CREB3L2: variants seen among roughly 807,000 people sequenced by gnomAD.
CREB3L2 encodes the protein cyclic AMP-responsive element-binding protein 3-like protein 2.
A neutral mutation model predicts 57.2 loss-of-function variants in CREB3L2; 23 were observed. The ratio of observed to expected loss-of-function variants is 0.40; its 90% confidence interval spans 0.29 to 0.57. The LOEUF (loss-of-function observed/expected upper bound fraction) is 0.57. Ranked by LOEUF, CREB3L2 falls within the 20% of genes least tolerant of loss-of-function variation. The probability of loss-of-function intolerance (pLI) is 0.42; values close to 1 mark genes in which losing one functional copy is unlikely to be tolerated. For synonymous variants in CREB3L2, 268 were observed against 265.1 expected, an observed-to-expected ratio of 1.01 and a Z score of -0.11; for missense variants, 628 against 634.7, an observed-to-expected ratio of 0.99 and a Z score of 0.11.
At chr7:137,974,099 A>G (rs1801564053) in intron 1 of CREB3L2, among the ~76,000 whole-genome samples, 1 of 152,204 alleles carries the variant, frequency 6.6e-6, no homozygotes, top group African/African-American at 2.4e-5. Flanking sequence ...AAATGAATAA[A>G]AATACTTGTC....
chr7:137,975,177 A>G (rs968764842), intron 1 of CREB3L2, among the ~76,000 whole-genome samples: 2 of 152,246 alleles, frequency 1.3e-5, no homozygotes, highest in African/African-American at 4.8e-5. Context: ...TTTCTCTGAC[A>G]TTAAAAGCTA....
chr7:137,902,717 A>T (rs905949529), intron 7 of CREB3L2, among the ~76,000 whole-genome samples: 6 of 152,208 alleles, frequency 3.9e-5, no homozygotes, highest in African/African-American at 1.4e-4. Flanking sequence ...GTTATTTATA[A>T]TACCAAACAC....
chr7:137,970,538 C>T (rs1007243288), intron 1 of CREB3L2, among the ~76,000 whole-genome samples: 1 of 119,430 alleles, frequency 8.4e-6, no homozygotes, highest in Non-Finnish European at 1.6e-5. Flanking sequence ...GAAGAAACAG[C>T]AACTGTAAGA....
chr7:137,975,372 C>CAT (rs1214660912), intron 1 of CREB3L2, among the ~76,000 whole-genome samples: 1 of 152,164 alleles, frequency 6.6e-6, no homozygotes, highest in East Asian at 1.9e-4. Flanking sequence ...AAATGAGTCC[C>CAT]ATATTTGGGC....
rs1301445007 is a variant in CREB3L2, at chr7:137,878,254, C to A, written c.*2222G>T. The A allele has an allele frequency of 4.3e-6, 1 of 232,830 alleles. No individual in the cohort carries two copies. The highest frequency in any genetic ancestry group is 8.5e-6 in the Non-Finnish European group (1 of 117,784). The allele number at this position is 232,830 out of a possible 1,614,324, so 14.4% of individuals were successfully genotyped here. ...GAAGAGCACGTTTCCTACTCTACGT[C>A]TGGGAGCCTTGAAAACCCAGTCTGG... is the stretch of plus-strand genomic sequence containing the variant. On this transcript the variant is annotated 3_prime_UTR_variant, in exon 12 of 12. Transcript: ENST00000330387.
At position 137,995,333 on chromosome 7, in the gene CREB3L2, C is replaced by CT. The variant is rs10676214; in HGVS notation, c.102+6270dup. Among the ~76,000 whole-genome samples the CT allele has an allele frequency of 3.5e-4, 31 of 87,436 alleles. 2 individuals are homozygous for CT. Among genetic ancestry groups the CT allele is most frequent in the Admixed American group, 1.7e-3 (10 of 5,908 alleles). The allele number at this position is 87,436 out of a possible 152,430, so 57.4% of individuals were successfully genotyped here. ...CTATTTCTTTTTTTTTCTTTTCTTT[C>CT]TTTTTTTTTTTTTTTTTTTGAGACA... On this transcript the variant is annotated intron_variant, in intron 1 of 11. Transcript: ENST00000330387.
intron 1 of CREB3L2, chr7:137,957,669 AAT>A (rs1292360764): frequency 1.4e-6 from 1 of 731,242 alleles, no homozygotes; most frequent in African/African-American, 1.9e-5. Flanking sequence ...GAAAGTGAAG[AAT>A]ATATTAATAA....
At chr7:137,937,042 C>T (rs997347686) in intron 1 of CREB3L2, among the ~76,000 whole-genome samples, 1 of 152,138 alleles carries the variant, frequency 6.6e-6, no homozygotes, top group Non-Finnish European at 1.5e-5. Flanking sequence ...CCAAGGCCTG[C>T]CGGGGCTCCT....
chr7:137,906,436 A>G (rs1384247294), intron 5 of CREB3L2, among the ~76,000 whole-genome samples: 8 of 152,212 alleles, frequency 5.3e-5, no homozygotes, highest in Non-Finnish European at 1.2e-4. Flanking sequence ...TGGAACCCAC[A>G]GTAGAATGGC....
At chr7:137,908,642 G>A (rs1357791575) in intron 4 of CREB3L2, among the ~76,000 whole-genome samples, 2 of 152,118 alleles carry the variant, frequency 1.3e-5, no homozygotes, top group East Asian at 1.9e-4. Context: ...TATACTGGCA[G>A]AAAGAAACAC....
In CREB3L2 at chr7:137,880,659, C is replaced by A; in HGVS notation, c.1488-108G>T. The A allele has an allele frequency of 2.4e-6, 2 of 838,320 alleles. No homozygotes were observed. Among genetic ancestry groups the A allele is most frequent in the East Asian group, 2.6e-5 (1 of 38,716 alleles). 51.9% of individuals were successfully genotyped at this position (838,320 alleles called of 1,614,324 possible). A position where few individuals can be genotyped will look rare whatever the true frequency, so the allele number is the denominator to read the frequency against. The stretch of plus-strand genomic sequence containing the variant: ...ATTCAGGGGTTGCAACTTGGTGAGA[C>A]GGCCTGGGCATGTTTCTTGTCCTTT... On this transcript the variant is annotated intron_variant, in intron 11 of 11. Transcript: ENST00000330387. The surrounding 1 kb of genome is among the most constrained non-coding windows in gnomAD (Gnocchi z 4.0).
chr7:137,952,160 C>A (rs987088755), intron 1 of CREB3L2, among the ~76,000 whole-genome samples: 2 of 152,182 alleles, frequency 1.3e-5, no homozygotes, highest in Non-Finnish European at 2.9e-5. Flanking sequence ...ATCCACAAGT[C>A]CTTATTGTCA....
rs1801140067 is a variant in CREB3L2 at position 137,953,391 on chromosome 7, C to T, written c.103-25025G>A. On this transcript the variant is annotated intron_variant, in intron 1 of 11. Coordinates refer to ENST00000330387, the MANE Select transcript of CREB3L2 (RefSeq NM_194071.4). Reference sequence around the variant, plus strand: ...GCCAGAGCCTTCTAACTTCTCTGCACCCACTCCAGTCTAGCTGAGGCCTGA... The same window carrying T: ...GCCAGAGCCTTCTAACTTCTCTGCATCCACTCCAGTCTAGCTGAGGCCTGA... 7.9e-6 allele frequency: 8 copies of T among 1,018,080 alleles called. No individual in the cohort carries two copies. In the South Asian group the frequency reaches 8.0e-5, roughly 10 times the overall value. 63.1% of individuals were successfully genotyped at this position (1,018,080 alleles called of 1,614,324 possible).
intron 8 of CREB3L2, among the ~76,000 whole-genome samples, chr7:137,887,484 A>G (rs1308578577): frequency 6.6e-6 from 1 of 152,182 alleles, no homozygotes; most frequent in Non-Finnish European, 1.5e-5. Context: ...CAAGGTGGCC[A>G]GATCACGAGG....
At chr7:137,966,298 A>G (rs958214996) in intron 1 of CREB3L2, among the ~76,000 whole-genome samples, 1 of 152,280 alleles carries the variant, frequency 6.6e-6, no homozygotes, top group African/African-American at 2.4e-5. Context: ...ACTTGCTTAC[A>G]TACTTTAAAA....
chr7:137,885,356 G>A, intron 9 of CREB3L2, 47 bp downstream of exon 9: 1 of 1,498,080 alleles, frequency 6.7e-7, no homozygotes, highest in South Asian at 1.1e-5. Context: ...GGGGAGACAG[G>A]GGCCAGGCCA....
Position 137,909,524 on chromosome 7 carries a change from C to T in CREB3L2, c.584-1088G>A, listed in dbSNP as rs568178007. On this transcript the variant is annotated intron_variant, in intron 4 of 11. Coordinates refer to ENST00000330387, the MANE Select transcript of CREB3L2 (RefSeq NM_194071.4). ...GAGATAACTGCAGGTAAACGCTTCA[C>T]TCCTGGAGCCCCCAGGACAATGGAT... 2.6e-5 allele frequency among the ~76,000 whole-genome samples: 4 copies of T among 152,356 alleles called. No individual in the cohort carries two copies. The East Asian group carries it at 7.7e-4, about 29-fold the overall frequency.
At chr7:137,954,798 T>C (rs1014456811) in intron 1 of CREB3L2, among the ~76,000 whole-genome samples, 4 of 152,156 alleles carry the variant, frequency 2.6e-5, no homozygotes, top group Non-Finnish European at 5.9e-5. Flanking sequence ...CTCAGACTTT[T>C]CTGGTTGTAA....
chr7:137,902,398 T>G (rs1278237404), intron 7 of CREB3L2, among the ~76,000 whole-genome samples: 4 of 152,052 alleles, frequency 2.6e-5, no homozygotes, highest in Non-Finnish European at 4.4e-5. Context: ...TTACCAGGAC[T>G]GATAAGAAGT....
Sources: gnomAD v4.1 joint callset for allele counts (sites outside exome capture counted in the v4.1 genomes callset) on GRCh38, gnomAD v4.1.1 for gene constraint, Gnocchi (gnomAD v3.1) non-coding constraint, MANE v1.5 for transcripts, NCBI Gene and HGNC (gene_info 2026-07-23, HGNC 2026-07-21) for gene names.